Variants in CEP112 observed in about 807,000 individuals in gnomAD.
CEP112 encodes the protein centrosomal protein 112.
In CEP112, 127 loss-of-function variants were observed where a neutral mutation model predicts 153.0. The ratio of observed to expected loss-of-function variants is 0.83; its 90% CI spans 0.72 to 0.96. The LOEUF is 0.96. Ranked by LOEUF, CEP112 falls within the 40% of genes least tolerant of loss-of-function variation. CEP112 has a pLI of 0.00. For missense variants in CEP112, 1,089 were observed against 1,101.2 expected (o/e 0.99, Z 0.16); for synonymous variants, 358 against 374.4 (o/e 0.96, Z 0.51).
intron 2 of CEP112, among the ~76,000 whole-genome samples, chr17:66,181,371 A>T (rs1051637531): frequency 6.6e-6 from 1 of 151,954 alleles, no homozygotes; most frequent in Non-Finnish European, 1.5e-5. Context: ...TTTGAGATGG[A>T]GTCTCGCTCT....
chr17:65,968,618 T>G (rs540970598), intron 17 of CEP112, among the ~76,000 whole-genome samples: 1 of 152,314 alleles, frequency 6.6e-6, no homozygotes, highest in East Asian at 1.9e-4. Flanking sequence ...AGTGAACATT[T>G]GAATGTCTAC....
At chr17:65,995,125 G>A (rs1385624972) in intron 17 of CEP112, among the ~76,000 whole-genome samples, 1 of 137,370 alleles carries the variant, frequency 7.3e-6, no homozygotes, top group South Asian at 2.6e-4. Context: ...TGTTGTTAGG[G>A]ATTAAAAGAA....
intron 17 of CEP112, among the ~76,000 whole-genome samples, chr17:65,969,732 G>C (rs1473422351): frequency 6.6e-6 from 1 of 152,132 alleles, no homozygotes; most frequent in Non-Finnish European, 1.5e-5. Context: ...AATGTGTATT[G>C]CATGCATACA....
At chr17:66,160,053 C>A (rs1489518570) in intron 4 of CEP112, among the ~76,000 whole-genome samples, 1 of 152,104 alleles carries the variant, frequency 6.6e-6, no homozygotes, top group Admixed American at 6.6e-5. Flanking sequence ...CAATAACAGA[C>A]AAACAGAGAG....
intron 20 of CEP112, among the ~76,000 whole-genome samples, chr17:65,859,230 T>G (rs376824471): frequency 1.8e-4 from 27 of 151,558 alleles, no homozygotes; most frequent in African/African-American, 6.5e-4. Flanking sequence ...GATCACGAAG[T>G]CAGGAGTTCA....
chr17:66,179,667 G>A (rs755960913), intron 2 of CEP112, among the ~76,000 whole-genome samples: 1 of 151,916 alleles, frequency 6.6e-6, no homozygotes, highest in African/African-American at 2.4e-5. Context: ...TTCCAATTTC[G>A]ATGCCCTTTA....
At chr17:66,043,837 T>C (rs563778664) in intron 12 of CEP112, among the ~76,000 whole-genome samples, 6 of 152,242 alleles carry the variant, frequency 3.9e-5, no homozygotes, top group African/African-American at 1.4e-4. Context: ...AAGACAACAC[T>C]AGACTCAACA....
At chr17:65,992,275 T>C (rs555490575) in intron 17 of CEP112, among the ~76,000 whole-genome samples, 1 of 152,142 alleles carries the variant, frequency 6.6e-6, no homozygotes, top group African/African-American at 2.4e-5. Context: ...ATGAAGAAGA[T>C]TTAAAAGTGT....
chr17:65,913,218 C>T (rs950474702), intron 19 of CEP112, among the ~76,000 whole-genome samples: 1 of 152,194 alleles, frequency 6.6e-6, no homozygotes, highest in South Asian at 2.1e-4. Context: ...GCTAATGGGG[C>T]AGTCTACCGC....
At chr17:66,183,619 G>T (rs1365490547) in intron 1 of CEP112, among the ~76,000 whole-genome samples, 1 of 152,120 alleles carries the variant, frequency 6.6e-6, no homozygotes, top group Non-Finnish European at 1.5e-5. Context: ...ATTGGTATTG[G>T]TGAAAGGATA....
intron 4 of CEP112, among the ~76,000 whole-genome samples, chr17:66,136,198 C>T (rs1002423796): frequency 6.6e-6 from 1 of 152,166 alleles, no homozygotes; most frequent in African/African-American, 2.4e-5. Context: ...TTGGGAACTG[C>T]TGAGAACGAA....
At chr17:65,836,008 A>C (rs2057293586) in intron 21 of CEP112, among the ~76,000 whole-genome samples, 1 of 152,140 alleles carries the variant, frequency 6.6e-6, no homozygotes, top group Non-Finnish European at 1.5e-5. Context: ...TTTTTTTCTT[A>C]TTTTTCTTTT....
intron 4 of CEP112, among the ~76,000 whole-genome samples, chr17:66,141,692 A>C (rs181359310): frequency 6.6e-4 from 100 of 152,270 alleles, no homozygotes; most frequent in African/African-American, 2.2e-3. Flanking sequence ...AGCTTCATCT[A>C]TCTTGTCACA....
chr17:65,955,836 C>T (rs1375988398), intron 18 of CEP112, among the ~76,000 whole-genome samples: 1 of 152,084 alleles, frequency 6.6e-6, no homozygotes, highest in Non-Finnish European at 1.5e-5. Context: ...AACACTGGAG[C>T]TCCCAAATGT....
chr17:65,759,876 G>A (rs953703514), intron 21 of CEP112, among the ~76,000 whole-genome samples: 1 of 152,144 alleles, frequency 6.6e-6, no homozygotes, highest in Non-Finnish European at 1.5e-5. Context: ...CGATAAATCT[G>A]TTGTAAGTAC....
chr17:65,973,514 T>G (rs917753312), intron 17 of CEP112, among the ~76,000 whole-genome samples: 1 of 152,206 alleles, frequency 6.6e-6, no homozygotes, highest in Non-Finnish European at 1.5e-5. Flanking sequence ...TTTAACATCA[T>G]TAGTCACTAG....
chr17:66,086,365 A>G (rs923326197), intron 8 of CEP112, among the ~76,000 whole-genome samples: 1 of 146,672 alleles, frequency 6.8e-6, no homozygotes, highest in South Asian at 2.1e-4. Context: ...GCAAGTAGAC[A>G]TAAGATTTTC....
chr17:65,824,202 C>T (rs1236339297), intron 21 of CEP112, among the ~76,000 whole-genome samples: 1 of 152,144 alleles, frequency 6.6e-6, no homozygotes, highest in Non-Finnish European at 1.5e-5. Context: ...TTTGTACTCC[C>T]ATACAATGGA....
chr17:66,063,242 TCTA>T (rs1380909951), intron 10 of CEP112, among the ~76,000 whole-genome samples, 161 bp from the exon 11 acceptor site: 1 of 152,184 alleles, frequency 6.6e-6, no homozygotes, highest in African/African-American at 2.4e-5. Context: ...TTTCTCGATT[TCTA>T]CCACCACAGA....
Sources: allele counts gnomAD v4.1 joint callset (sites outside exome capture counted in the v4.1 genomes callset), GRCh38; gene constraint gnomAD v4.1.1; transcripts MANE v1.5; gene names NCBI Gene and HGNC (gene_info 2026-07-23, HGNC 2026-07-21).